The following NAXD variants were observed in gnomAD, a reference collection of about 807,000 sequenced individuals.
NAXD encodes the protein NAD(P)HX dehydratase.
A neutral mutation model predicts 35.8 loss-of-function variants in NAXD; 22 were observed. The observed-to-expected ratio is 0.62, with a 90% CI of 0.44 to 0.88. The LOEUF (loss-of-function observed/expected upper bound fraction) is 0.88, where lower values mean the gene tolerates loss of function less well. Ranked by LOEUF, NAXD falls within the 40% of genes least tolerant of loss-of-function variation. The probability of loss-of-function intolerance (pLI) is 0.00; values close to 1 mark genes in which losing one functional copy is unlikely to be tolerated. For missense variants in NAXD, 428 were observed against 437.7 expected (o/e 0.98, Z 0.20); for synonymous variants, 189 against 177.6 (o/e 1.06, Z -0.51).
chr13:110,625,529 A>G (rs959269744), intron 4 of NAXD, among the ~76,000 whole-genome samples: 1 of 152,222 alleles, frequency 6.6e-6, no homozygotes, highest in Non-Finnish European at 1.5e-5. Context: ...CTCCAGAGGC[A>G]GGGAGGCCCT....
intron 5 of NAXD, among the ~76,000 whole-genome samples, chr13:110,632,418 A>G (rs563273690): frequency 7.7e-4 from 117 of 152,292 alleles, no homozygotes; most frequent in Non-Finnish European, 1.4e-3. Context: ...CGAGCGGGTT[A>G]CCAATGCTGG....
In NAXD at chr13:110,638,393, G is replaced by A; in HGVS notation, c.855G>A (p.Leu285=). Residue 285 remains leucine (L), a synonymous_variant, in exon 10 of 10, where the codon CTG becomes CTA. Coordinates refer to ENST00000680254, the MANE Select transcript of NAXD (RefSeq NM_001242882.2). This position sits in a 1 kb window ranked among gnomAD's most constrained non-coding sequence, Gnocchi z 5.4. ...CTCTCCGCAGGTCCAGCCCTCTCCT[G>A]GTGGCCGCGTTTGGCGCCTGCTCTC... The part of the protein sequence containing the change: ...PQKTNGSSPL[L]VAAFGACSLT... The A allele has an allele frequency of 6.2e-7, 1 of 1,613,718 alleles. No homozygotes were observed. Among genetic ancestry groups the A allele is most frequent in the South Asian group, 1.1e-5 (1 of 91,078 alleles).
chr13:110,626,260 T>A, intron 4 of NAXD, among the ~76,000 whole-genome samples: 1 of 151,772 alleles, frequency 6.6e-6, no homozygotes, highest in Admixed American at 6.6e-5. Context: ...AGGGGCCGGA[T>A]TCTGGGTATG....
At chr13:110,634,515 G>C (rs1886841817) in intron 5 of NAXD, 30 bp from the exon 6 acceptor site, 1 of 1,612,112 alleles carries the variant, frequency 6.2e-7, no homozygotes, top group East Asian at 2.2e-5. Context: ...CAGCAGGCAT[G>C]GTGCTCAGTC....
intron 2 of NAXD, 94 bp from the exon 3 acceptor site, chr13:110,624,140 A>T: frequency 1.3e-6 from 1 of 750,634 alleles, no homozygotes; most frequent in South Asian, 1.5e-5. Context: ...TGTCTATATT[A>T]TTTATGTCTA....
chr13:110,617,907 G>A (rs1298421969), intron 1 of NAXD, among the ~76,000 whole-genome samples: 1 of 152,164 alleles, frequency 6.6e-6, no homozygotes, highest in African/African-American at 2.4e-5. Context: ...CTTGTTCTGT[G>A]CCAGGCTGTG....
chr13:110,622,041 A>G (rs1886287068), intron 1 of NAXD, among the ~76,000 whole-genome samples, 175 bp from the exon 2 acceptor site: 1 of 152,194 alleles, frequency 6.6e-6, no homozygotes, highest in African/African-American at 2.4e-5. Flanking sequence ...AAAAAGAAAA[A>G]AAAAATTGCA....
chr13:110,632,531 C>T (rs545102767), intron 5 of NAXD, among the ~76,000 whole-genome samples: 32 of 152,266 alleles, frequency 2.1e-4, no homozygotes, highest in African/African-American at 7.5e-4. Context: ...GGTGTGTTTA[C>T]AATCCCTGAG....
Position 110,638,780 on chromosome 13 carries a change from T to A in NAXD, c.*252T>A. On this transcript the variant is annotated 3_prime_UTR_variant, in exon 10 of 10. Transcript: ENST00000680254. This position sits in a 1 kb window ranked among gnomAD's most constrained non-coding sequence, Gnocchi z 5.4. ...TGAACTTTCCTTAGCTCCTTGGTAGTAACTGGGAAGACAGAAATGAAGAAA... is the reference window on the plus strand; with the variant it reads ...TGAACTTTCCTTAGCTCCTTGGTAGAAACTGGGAAGACAGAAATGAAGAAA... 1.5e-6 allele frequency: 1 copy of A among 653,362 alleles called. No individual in the cohort carries two copies. The highest frequency in any genetic ancestry group is 2.8e-6 in the Non-Finnish European group (1 of 355,334). The allele number at this position is 653,362 out of a possible 1,614,324, so 40.5% of individuals were successfully genotyped here. A position where few individuals can be genotyped will look rare whatever the true frequency, so the allele number is the denominator to read the frequency against.
chr13:110,628,391 C>T lies in NAXD; in HGVS notation c.441+844C>T, dbSNP rs2011692. Among the ~76,000 whole-genome samples, 16,814 of 152,142 alleles carry T rather than the reference C, an allele frequency of 0.11. 1,339 individuals carry two copies. Among genetic ancestry groups the T allele is most frequent in the Admixed American group, 0.25 (3,854 of 15,272 alleles). ...TGGTGACTGCATGGGGATCAGAGGC[C>T]GGGCATTAGTGAGGGACTACGCTTG... On this transcript the variant is annotated intron_variant, in intron 5 of 9. Coordinates refer to ENST00000680254, the MANE Select transcript of NAXD (RefSeq NM_001242882.2). The surrounding 1 kb of genome is among the most constrained non-coding windows in gnomAD (Gnocchi z 4.1).
chr13:110,638,323 C>T lies in NAXD; in HGVS notation c.840-55C>T. Reference sequence around the variant, plus strand: ...AAACCAGAGCCCAGGGTAGCTGCGGCCCCCGGACCACGACGCCCACTTCCC... The same window carrying T: ...AAACCAGAGCCCAGGGTAGCTGCGGTCCCCGGACCACGACGCCCACTTCCC... On this transcript the variant is annotated intron_variant, in intron 9 of 9. Transcript: ENST00000680254. This position sits in a 1 kb window ranked among gnomAD's most constrained non-coding sequence, Gnocchi z 5.4. 3.1e-6 allele frequency: 5 copies of T among 1,611,434 alleles called. No individual in the cohort carries two copies. Among genetic ancestry groups the T allele is most frequent in the Non-Finnish European group, 3.4e-6 (4 of 1,178,666 alleles).
rs1043920202 is a variant in NAXD at position 110,632,891 on chromosome 13, G to C, written c.442-1654G>C. On this transcript the variant is annotated intron_variant, in intron 5 of 9. Coordinates refer to ENST00000680254, the MANE Select transcript of NAXD (RefSeq NM_001242882.2). ...CTGAGCTAGACACAGGGTGCTGATT[G>C]GTGTGTTTACAATCCCTGAGCTAGA... Among the ~76,000 whole-genome samples, 3 of 151,872 alleles carry C rather than the reference G, an allele frequency of 2.0e-5. No homozygotes were observed. The South Asian group carries it at 6.3e-4, about 32-fold the overall frequency.
intron 5 of NAXD, among the ~76,000 whole-genome samples, chr13:110,632,079 T>TA (rs560557015): frequency 7.2e-6 from 1 of 139,310 alleles, no homozygotes; most frequent in South Asian, 2.2e-4. Flanking sequence ...CGGTGAGTGT[T>TA]ACAGCTCTTA....
rs530859154 is a variant in NAXD, at chr13:110,617,692, A to C, written c.46+2045A>C. ...CTTAAAATGGCAGCATTTTACACCT[A>C]CTGTGTGCCCACAAAAATAAAAACA... is the stretch of plus-strand genomic sequence containing the variant. On this transcript the variant is annotated intron_variant, in intron 1 of 9. Transcript: ENST00000680254. 5.3e-5 allele frequency among the ~76,000 whole-genome samples: 8 copies of C among 152,378 alleles called. No individual in the cohort carries two copies. In the South Asian group the frequency reaches 1.7e-3, roughly 32 times the overall value.
At position 110,635,465 on chromosome 13, in the gene NAXD, T is replaced by C. The variant is rs1036665470; in HGVS notation, c.598-3T>C. On this transcript the variant is annotated splice_polypyrimidine_tract_variant and splice_region_variant and intron_variant, in intron 7 of 9. Coordinates refer to ENST00000680254, the MANE Select transcript of NAXD (RefSeq NM_001242882.2). Reference sequence around the variant, plus strand: ...TTTTCTCTGTCTTCCTGTGTTGTCATAGCTCAGAGGCCCTATGGACAGCGA... The same window carrying C: ...TTTTCTCTGTCTTCCTGTGTTGTCACAGCTCAGAGGCCCTATGGACAGCGA... 1.9e-6 allele frequency: 3 copies of C among 1,613,196 alleles called. No individual in the cohort carries two copies. The highest frequency in any genetic ancestry group is 1.1e-5 in the South Asian group (1 of 91,070).
At chr13:110,623,812 G>A (rs1566615252) in intron 2 of NAXD, among the ~76,000 whole-genome samples, 3 of 152,180 alleles carry the variant, frequency 2.0e-5, no homozygotes, top group African/African-American at 2.4e-5. Context: ...AGACCAGCCT[G>A]ACCAACATGC....
At chr13:110,615,981 G>A in intron 1 of NAXD, 1 of 416,252 alleles carries the variant, frequency 2.4e-6, no homozygotes, top group Non-Finnish European at 4.1e-6. Context: ...GGGTGGCGCC[G>A]GGCCGGAGCC....
chr13:110,631,422 ATT>A (rs893595639), intron 5 of NAXD, among the ~76,000 whole-genome samples: 2 of 152,138 alleles, frequency 1.3e-5, no homozygotes, highest in Non-Finnish European at 2.9e-5. Context: ...GGACGTTTAA[ATT>A]TTTGAGAGAT....
At chr13:110,619,986 A>G (rs977468548) in intron 1 of NAXD, among the ~76,000 whole-genome samples, 3 of 151,840 alleles carry the variant, frequency 2.0e-5, no homozygotes, top group Admixed American at 1.3e-4. Flanking sequence ...TTTAGTAGAG[A>G]TGGGGTTTCA....
Sources: allele counts gnomAD v4.1 joint callset (sites outside exome capture counted in the v4.1 genomes callset), GRCh38; gene constraint gnomAD v4.1.1; non-coding constraint Gnocchi (gnomAD v3.1); transcripts MANE v1.5; gene names NCBI Gene and HGNC (gene_info 2026-07-23, HGNC 2026-07-21).